ZC3HAV1L: variants seen among roughly 807,000 people sequenced by gnomAD.
The protein encoded by ZC3HAV1L is ZC3HAV1 like.
A neutral mutation model predicts 28.2 loss-of-function variants in ZC3HAV1L; 23 were observed. The ratio of observed to expected loss-of-function variants is 0.82; its 90% CI spans 0.59 to 1.16. The LOEUF (loss-of-function observed/expected upper bound fraction) is 1.16, where lower values mean the gene tolerates loss of function less well. ZC3HAV1L is among the 50% of genes most tolerant of loss of function. The probability of loss-of-function intolerance (pLI) is 0.00; values close to 1 mark genes in which losing one functional copy is unlikely to be tolerated. For missense variants in ZC3HAV1L, 376 were observed against 387.7 expected (o/e 0.97, Z 0.25); for synonymous variants, 180 against 163.4 (o/e 1.10, Z -0.78).
chr7:139,035,184 C>T (rs1310306429), intron 1 of ZC3HAV1L: 9 of 985,302 alleles, frequency 9.1e-6, no homozygotes, highest in Non-Finnish European at 1.1e-5. Flanking sequence ...TGGGGTGAGA[C>T]TGGCTCAGCG....
At position 139,035,572 on chromosome 7, in the gene ZC3HAV1L, C is replaced by A. The variant is rs572681455; in HGVS notation, c.365+81G>T. 5 of 1,341,858 alleles carry A rather than the reference C, an allele frequency of 3.7e-6. No individual in the cohort carries two copies. In the Admixed American group the frequency reaches 1.2e-4, roughly 33 times the overall value. 83.1% of individuals were successfully genotyped at this position (1,341,858 alleles called of 1,614,324 possible). On this transcript the variant is annotated intron_variant, in intron 1 of 4. Coordinates refer to ENST00000275766, the MANE Select transcript of ZC3HAV1L (RefSeq NM_080660.4). ...CGGCCCGGGGCAGGACGAAGCCCCC[C>A]TTCCCGTCGCTCCCGCTTCCAGCAG... is the stretch of plus-strand genomic sequence containing the variant.
downstream of ZC3HAV1L, among the ~76,000 whole-genome samples, chr7:139,025,017 G>A (rs924149671): frequency 1.1e-4 from 16 of 152,218 alleles, no homozygotes; most frequent in African/African-American, 3.6e-4. Context: ...GGGAGAAAGG[G>A]GAAAGGGAAC....
chr7:139,035,543 T>A, intron 1 of ZC3HAV1L, 110 bp downstream of exon 1: 1 of 1,320,874 alleles, frequency 7.6e-7, no homozygotes. Context: ...CAGCCCCGCG[T>A]CCCCGGCCCG....
chr7:139,031,268 C>A (rs1345389863), intron 2 of ZC3HAV1L, among the ~76,000 whole-genome samples: 5 of 152,106 alleles, frequency 3.3e-5, no homozygotes, highest in African/African-American at 1.2e-4. Context: ...GGCAACACAG[C>A]AAGACTCTGT....
downstream of ZC3HAV1L, among the ~76,000 whole-genome samples, chr7:139,021,831 C>A (rs1468720248): frequency 6.6e-6 from 1 of 151,928 alleles, no homozygotes; most frequent in Non-Finnish European, 1.5e-5. Context: ...AAACTTATTA[C>A]AATTTTATGA....
chr7:139,027,814 G>A (rs948907584), intron 3 of ZC3HAV1L, among the ~76,000 whole-genome samples: 10 of 152,148 alleles, frequency 6.6e-5, no homozygotes, highest in Non-Finnish European at 1.3e-4. Flanking sequence ...TATACTTTGA[G>A]CACAATTGGA....
At position 139,028,766 on chromosome 7, in the gene ZC3HAV1L, A is replaced by C; in HGVS notation, c.696T>G (p.Val232=). Residue 232 remains valine, a synonymous_variant, in exon 3 of 5, where the codon GTT becomes GTG. Coordinates refer to ENST00000275766, the MANE Select transcript of ZC3HAV1L (RefSeq NM_080660.4). ...LQDQGLNIPS[V]VNFQIISTYK... is the part of the protein sequence containing the mutation. ...AGGTGGAGATTATCTGAAAATTAAC[A>C]ACACTTGGAATATTCAGTCCTTGGT... is the stretch of plus-strand genomic sequence containing the variant. 6.2e-7 allele frequency: 1 copy of C among 1,614,194 alleles called. No homozygotes were observed. The highest frequency in any genetic ancestry group is 8.5e-7 in the Non-Finnish European group (1 of 1,180,038).
chr7:139,025,471 C>G (rs927962895), downstream of ZC3HAV1L, among the ~76,000 whole-genome samples: 5 of 148,024 alleles, frequency 3.4e-5, no homozygotes, highest in Non-Finnish European at 7.4e-5. Context: ...AAAGAGTAGA[C>G]AGAGTGAGGT....
At chr7:139,032,754 T>C (rs1489380060) in intron 2 of ZC3HAV1L, among the ~76,000 whole-genome samples, 2 of 151,916 alleles carry the variant, frequency 1.3e-5, no homozygotes, top group Non-Finnish European at 2.9e-5. Flanking sequence ...CAAAAAATAA[T>C]AGCCATGTAA....
downstream of ZC3HAV1L, among the ~76,000 whole-genome samples, chr7:139,022,636 C>CA (rs1470198823): frequency 2.0e-5 from 3 of 152,194 alleles, no homozygotes; most frequent in East Asian, 1.9e-4. Flanking sequence ...CATTATATGG[C>CA]AAAAAATATG....
intron 1 of ZC3HAV1L, chr7:139,035,432 CGG>C: frequency 1.0e-6 from 1 of 985,356 alleles, no homozygotes; most frequent in Non-Finnish European, 1.2e-6. Flanking sequence ...CTGGCGTGGG[CGG>C]TTGAGACGTC....
chr7:139,024,152 T>A (rs1255468794), downstream of ZC3HAV1L, among the ~76,000 whole-genome samples: 4 of 152,150 alleles, frequency 2.6e-5, no homozygotes, highest in South Asian at 2.1e-4. Flanking sequence ...CAAAGAAAAC[T>A]CTTTTCCAAC....
downstream of ZC3HAV1L, among the ~76,000 whole-genome samples, chr7:139,023,070 GA>G (rs1262246967): frequency 2.0e-5 from 3 of 151,668 alleles, no homozygotes; most frequent in East Asian, 3.9e-4. Context: ...AGCTACTCGG[GA>G]GGCTGAGGCA....
intron 3 of ZC3HAV1L, among the ~76,000 whole-genome samples, chr7:139,027,490 T>C (rs961424918): frequency 2.0e-5 from 3 of 152,078 alleles, no homozygotes; most frequent in African/African-American, 7.2e-5. Flanking sequence ...CTGGTCAACA[T>C]AGCAAAACCT....
intron 2 of ZC3HAV1L, chr7:139,033,640 G>A (rs1175238034): frequency 2.4e-6 from 2 of 837,976 alleles, no homozygotes; most frequent in Non-Finnish European, 2.9e-6. Context: ...CACTGAAGTA[G>A]TCTAATATGA....
chr7:139,031,147 TAAAC>T lies in ZC3HAV1L; in HGVS notation c.502-2191_502-2188del, dbSNP rs555897786. On this transcript the variant is annotated intron_variant, in intron 2 of 4. Coordinates refer to ENST00000275766, the MANE Select transcript of ZC3HAV1L (RefSeq NM_080660.4). Reference sequence around the variant, plus strand: ...TCTGGAAAAGGAGACATGAACTGATTAAACAAACAAACAAAATTAGACAGGCACA... The same window carrying T: ...TCTGGAAAAGGAGACATGAACTGATTAAACAAACAAAATTAGACAGGCACA... Among the ~76,000 whole-genome samples the T allele has an allele frequency of 5.2e-3, 795 of 152,234 alleles. 7 individuals carry two copies. The highest frequency in any genetic ancestry group is 0.018 in the African/African-American group (766 of 41,546).
In ZC3HAV1L at chr7:139,035,731, C is replaced by A. The variant is rs1318704044; in HGVS notation, c.287G>T (p.Arg96Leu). ...SSVRLCARYQ[R>L]GECQACDQLH... is the part of the protein sequence containing the mutation. ...CTGGTCGCAGGCCTGGCACTCGCCG[C>A]GCTGGTAGCGGGCGCAGAGGCGCAC... Residue 96 changes from arginine (R) to leucine (L), a missense_variant, in exon 1 of 5, where the codon CGC (arginine) becomes CTC (leucine). By Grantham distance (102) the Arg-to-Leu change is moderately radical. Transcript: ENST00000275766. 6.0e-6 allele frequency: 9 copies of A among 1,488,086 alleles called. No homozygotes were observed. In the African/African-American group the frequency reaches 7.3e-5, roughly 12 times the overall value. The allele number at this position is 1,488,086 out of a possible 1,614,324, so 92.2% of individuals were successfully genotyped here.
At chr7:139,028,097 C>T (rs941786123) in intron 3 of ZC3HAV1L, among the ~76,000 whole-genome samples, 18 of 152,196 alleles carry the variant, frequency 1.2e-4, no homozygotes, top group African/African-American at 4.1e-4. Context: ...TCTACTAGGC[C>T]GGGCGTGTGG....
Position 139,028,762 on chromosome 7 carries a change from TAAC to T in ZC3HAV1L, c.697_699del (p.Val233del), listed in dbSNP as rs1238436720. On this transcript the variant is annotated inframe_deletion, in exon 3 of 5. Coordinates refer to ENST00000275766, the MANE Select transcript of ZC3HAV1L (RefSeq NM_080660.4). ...TTGTAGGTGGAGATTATCTGAAAAT[TAAC>T]AACACTTGGAATATTCAGTCCTTGG... 3 of 1,614,180 alleles carry T rather than the reference TAAC, an allele frequency of 1.9e-6. No homozygotes were observed. The highest frequency in any genetic ancestry group is 2.5e-6 in the Non-Finnish European group (3 of 1,180,030).
Sources: gnomAD v4.1 joint callset for allele counts (sites outside exome capture counted in the v4.1 genomes callset) on GRCh38, gnomAD v4.1.1 for gene constraint, MANE v1.5 for transcripts, NCBI Gene and HGNC (gene_info 2026-07-23, HGNC 2026-07-21) for gene names.